SCN8A: variants seen among roughly 807,000 people sequenced by gnomAD.
The protein encoded by SCN8A is sodium channel protein type 8 subunit alpha.
SCN8A carries 30 observed loss-of-function variants against 184.1 expected under a neutral mutation model. The observed-to-expected ratio is 0.16, with a 90% CI of 0.12 to 0.22. The LOEUF is 0.22. SCN8A is among the 10% of genes least tolerant of loss of function. The pLI, the probability that SCN8A is intolerant of heterozygous loss-of-function variation, is 1.00. For synonymous variants in SCN8A, 852 were observed against 907.0 expected (o/e 0.94, Z 1.09); for missense variants, 1,057 against 2,498.9 (o/e 0.42, Z 12.30).
At chr12:51,769,818 G>A in intron 17 of SCN8A, 50 bp from the exon 18 acceptor site, 1 of 1,161,784 alleles carries the variant, frequency 8.6e-7, no homozygotes, top group Non-Finnish European at 1.3e-6. Flanking sequence ...AGTGTGGAGT[G>A]GGCATGTTGC....
intron 1 of SCN8A, among the ~76,000 whole-genome samples, chr12:51,645,370 G>A (rs1363384593): frequency 2.0e-5 from 3 of 151,726 alleles, no homozygotes; most frequent in Non-Finnish European, 2.9e-5. Context: ...TGCCCCGTCC[G>A]GGAGGTGAGG....
intron 1 of SCN8A, among the ~76,000 whole-genome samples, chr12:51,606,521 T>C (rs1363816045): frequency 6.6e-6 from 1 of 152,240 alleles, no homozygotes; most frequent in Non-Finnish European, 1.5e-5. Flanking sequence ...TCAGGTAGTA[T>C]GATGCCTCCA....
chr12:51,690,105 G>C (rs989585113), intron 6 of SCN8A: 4 of 152,162 alleles, frequency 2.6e-5, no homozygotes, highest in African/African-American at 7.2e-5. Context: ...TTAAAGGAAA[G>C]ATATTTTAGT....
intron 2 of SCN8A, among the ~76,000 whole-genome samples, chr12:51,669,708 T>G (rs1941097743): frequency 6.6e-6 from 1 of 152,186 alleles, no homozygotes; most frequent in Non-Finnish European, 1.5e-5. Flanking sequence ...TTAACTCAGG[T>G]TAGATGTGGA....
At chr12:51,785,697 G>T (rs1047411623) in intron 21 of SCN8A, among the ~76,000 whole-genome samples, 1 of 152,080 alleles carries the variant, frequency 6.6e-6, no homozygotes, top group Non-Finnish European at 1.5e-5. Flanking sequence ...ACTGTAGTCA[G>T]TGACTTTTTA....
chr12:51,807,896 A>ACACT lies in SCN8A; in HGVS notation c.*471_*474dup, dbSNP rs1385456580. On this transcript the variant is annotated 3_prime_UTR_variant, in exon 27 of 27. Transcript: ENST00000627620. This position sits in a 1 kb window ranked among gnomAD's most constrained non-coding sequence, Gnocchi z 4.5. ...AGCAGCAAAAAGAAAACACACACAC[A>ACACT]CACTCACATTTAGCCCATGTCATTT... 2.1e-5 allele frequency: 4 copies of ACACT among 190,812 alleles called. No homozygotes were observed. In the East Asian group the frequency reaches 5.0e-4, roughly 24 times the overall value. 11.8% of individuals were successfully genotyped at this position (190,812 alleles called of 1,614,324 possible).
chr12:51,767,080 C>CA (rs1363624785), intron 16 of SCN8A, among the ~76,000 whole-genome samples: 2 of 151,886 alleles, frequency 1.3e-5, no homozygotes, highest in African/African-American at 2.4e-5. Context: ...ATTTGACCTA[C>CA]AAAAAAAATA....
At chr12:51,794,242 G>C in intron 25 of SCN8A, 129 bp from the exon 26 acceptor site, 1 of 819,616 alleles carries the variant, frequency 1.2e-6, no homozygotes, top group Non-Finnish European at 1.9e-6. Flanking sequence ...TCCTGATAGA[G>C]CAGCAGAGCT....
At chr12:51,612,778 A>G (rs74535964) in intron 1 of SCN8A, among the ~76,000 whole-genome samples, 3,378 of 151,982 alleles carry the variant, frequency 0.022, 187 homozygotes, top group East Asian at 0.19. Context: ...CTGGAGTGCA[A>G]TGGTACGATC....
In SCN8A at chr12:51,702,313, C is replaced by T. The variant is rs139877539; in HGVS notation, c.993-460C>T. Among the ~76,000 whole-genome samples, 1,110 of 131,926 alleles carry T rather than the reference C, an allele frequency of 8.4e-3. 9 individuals are homozygous for T. Among genetic ancestry groups the T allele is most frequent in the African/African-American group, 0.031 (1,019 of 33,072 alleles). 86.5% of individuals were successfully genotyped at this position (131,926 alleles called of 152,430 possible). The stretch of plus-strand genomic sequence containing the variant: ...CTCTAGCCTGGGCAACAGAGCTAGA[C>T]TCTGTATCAAAAAAAAAAAAAAAAA... On this transcript the variant is annotated intron_variant, in intron 8 of 26. Transcript: ENST00000627620.
intron 12 of SCN8A, among the ~76,000 whole-genome samples, chr12:51,729,186 G>A (rs1942202075): frequency 6.6e-6 from 1 of 152,038 alleles, no homozygotes; most frequent in African/African-American, 2.4e-5. Flanking sequence ...TCAAATTCTG[G>A]TAGGACATTG....
chr12:51,691,741 G>C (rs1270865749), intron 6 of SCN8A, among the ~76,000 whole-genome samples: 1 of 152,174 alleles, frequency 6.6e-6, no homozygotes, highest in Non-Finnish European at 1.5e-5. Context: ...TTTGGTTCTT[G>C]AATTAAAAGT....
At chr12:51,598,870 T>C (rs1939404049) in intron 1 of SCN8A, among the ~76,000 whole-genome samples, 2 of 152,244 alleles carry the variant, frequency 1.3e-5, no homozygotes, top group African/African-American at 4.8e-5. Flanking sequence ...ATTCTCATTC[T>C]AGATCATCTT....
intron 26 of SCN8A, among the ~76,000 whole-genome samples, chr12:51,800,117 G>T (rs1397698369): frequency 6.6e-6 from 1 of 152,250 alleles, no homozygotes; most frequent in Non-Finnish European, 1.5e-5. Flanking sequence ...ATACCCCTGA[G>T]GTAGGACAGT....
At chr12:51,603,322 A>G (rs1241092973) in intron 1 of SCN8A, among the ~76,000 whole-genome samples, 1 of 152,178 alleles carries the variant, frequency 6.6e-6, no homozygotes. Context: ...TACTTTGGAG[A>G]TTTAACCATG....
At chr12:51,674,008 G>A (rs969715087) in intron 2 of SCN8A, among the ~76,000 whole-genome samples, 1 of 152,150 alleles carries the variant, frequency 6.6e-6, no homozygotes, top group African/African-American at 2.4e-5. Flanking sequence ...CAGGTGTGAG[G>A]AACAGTGCAT....
At chr12:51,646,522 T>C in intron 1 of SCN8A, among the ~76,000 whole-genome samples, 1 of 152,240 alleles carries the variant, frequency 6.6e-6, no homozygotes, top group Non-Finnish European at 1.5e-5. Flanking sequence ...TAAAAATGGC[T>C]AAAATGGTAA....
chr12:51,674,276 C>T (rs1941183636), intron 2 of SCN8A, among the ~76,000 whole-genome samples: 1 of 152,166 alleles, frequency 6.6e-6, no homozygotes, highest in African/African-American at 2.4e-5. Context: ...GTCCTTCCTG[C>T]AGGCTTGTGC....
intron 14 of SCN8A, among the ~76,000 whole-genome samples, chr12:51,755,065 AG>A (rs1387653274): frequency 2.6e-5 from 4 of 152,244 alleles, no homozygotes; most frequent in African/African-American, 9.6e-5. Context: ...TAACAAAACC[AG>A]TTTTACCATA....
Sources: allele counts gnomAD v4.1 joint callset (sites outside exome capture counted in the v4.1 genomes callset), GRCh38; gene constraint gnomAD v4.1.1; non-coding constraint Gnocchi (gnomAD v3.1); transcripts MANE v1.5; gene names NCBI Gene and HGNC (gene_info 2026-07-23, HGNC 2026-07-21).